Variants in PLAC1 observed in about 807,000 individuals in gnomAD.
The protein encoded by PLAC1 is placenta associated 1, also known as placenta-specific protein 1.
For synonymous variants in PLAC1, 68 were observed against 62.1 expected, an observed-to-expected ratio of 1.09 and a Z score of -0.44; for missense variants, 136 against 163.2, an observed-to-expected ratio of 0.83 and a Z score of 0.91.
intron 1 of PLAC1, among the ~76,000 whole-genome samples, chrX:134,617,258 G>A (rs779603571): frequency 2.7e-5 from 3 of 111,726 alleles, no homozygotes; most frequent in Admixed American, 9.5e-5. Context: ...CAAAGTGCTG[G>A]GATTACAGGC....
chrX:134,704,256 G>A (rs2078593524), intron 2 of PLAC1, among the ~76,000 whole-genome samples: 1 of 109,616 alleles, frequency 9.1e-6, no homozygotes, highest in Non-Finnish European at 1.9e-5. Flanking sequence ...CACTTCAGGA[G>A]GCTGAGGTCG....
At chrX:134,654,774 C>G (rs928459312) in intron 1 of PLAC1, among the ~76,000 whole-genome samples, 1 of 112,326 alleles carries the variant, frequency 8.9e-6, no homozygotes, top group Non-Finnish European at 1.9e-5. Flanking sequence ...AGTGGAAGCT[C>G]GCTTAGCTGA....
intron 2 of PLAC1, among the ~76,000 whole-genome samples, chrX:134,593,935 C>T (rs2078051344): frequency 9.0e-6 from 1 of 111,525 alleles, no homozygotes; most frequent in Non-Finnish European, 1.9e-5. Flanking sequence ...ATGTCCAGCA[C>T]TATGATGAAT....
At position 134,655,332 on chromosome X, in the gene PLAC1, TACACAC is replaced by T. The variant is rs545237127; in HGVS notation, c.-131+2990_-131+2995del. The stretch of plus-strand genomic sequence containing the variant: ...TTCTGTTTCTATCAGTCAATCTATT[TACACAC>T]ACACACACACACACACACACACACA... On this transcript the variant is annotated intron_variant, in intron 1 of 2. Transcript: ENST00000359237. 3.9e-3 allele frequency among the ~76,000 whole-genome samples: 387 copies of T among 99,134 alleles called. 2 individuals are homozygous for T. Among genetic ancestry groups the T allele is most frequent in the African/African-American group, 0.014 (362 of 26,410 alleles). The allele number at this position is 99,134 out of a possible 115,157, so 86.1% of individuals were successfully genotyped here.
At chrX:134,637,675 C>T (rs1233217818) in intron 1 of PLAC1, among the ~76,000 whole-genome samples, 1 of 111,565 alleles carries the variant, frequency 9.0e-6, no homozygotes, top group African/African-American at 3.3e-5. Flanking sequence ...TGGTCTAACC[C>T]TGTTTCTACT....
At chrX:134,582,104 G>T (rs762485624) in intron 2 of PLAC1, among the ~76,000 whole-genome samples, 4 of 112,518 alleles carry the variant, frequency 3.6e-5, no homozygotes, top group South Asian at 3.7e-4. Flanking sequence ...ACAGGGAATG[G>T]GGAGGGAAGT....
chrX:134,603,317 T>TATA (rs1569384392), intron 1 of PLAC1, among the ~76,000 whole-genome samples: 1 of 12,812 alleles, frequency 7.8e-5, no homozygotes, highest in African/African-American at 3.7e-4. Flanking sequence ...ATATATATTT[T>TATA]TTTTTTTTTT....
intron 2 of PLAC1, among the ~76,000 whole-genome samples, chrX:134,713,498 G>C (rs796750548): frequency 9.0e-6 from 1 of 111,606 alleles, no homozygotes; most frequent in African/African-American, 3.3e-5. Flanking sequence ...TTTTGCATTT[G>C]CTTTAAAATG....
chrX:134,578,428 A>G (rs1214072641), intron 2 of PLAC1, among the ~76,000 whole-genome samples: 2 of 22,442 alleles, frequency 8.9e-5, no homozygotes, highest in Non-Finnish European at 2.5e-4. Flanking sequence ...AAAAAAAAAA[A>G]AGAAAAGAAA....
intron 1 of PLAC1, among the ~76,000 whole-genome samples, chrX:134,735,478 G>T (rs2078700488): frequency 9.0e-6 from 1 of 111,098 alleles, no homozygotes; most frequent in African/African-American, 3.3e-5. Context: ...AGAATTAGAG[G>T]GTCGAAATAG....
chrX:134,742,959 C>T (rs1220031673), intron 1 of PLAC1, among the ~76,000 whole-genome samples: 2 of 111,183 alleles, frequency 1.8e-5, no homozygotes, highest in African/African-American at 6.5e-5. Flanking sequence ...AAAACAGAAA[C>T]AGAAAGACAA....
chrX:134,637,472 C>T (rs900403706), intron 1 of PLAC1, among the ~76,000 whole-genome samples: 9 of 112,110 alleles, frequency 8.0e-5, no homozygotes, highest in African/African-American at 2.9e-4. Context: ...GTCACCATAA[C>T]TTGCCCTGTT....
intron 1 of PLAC1, among the ~76,000 whole-genome samples, chrX:134,754,062 C>A (rs1022362152): frequency 8.9e-6 from 1 of 112,057 alleles, no homozygotes; most frequent in Admixed American, 9.5e-5. Context: ...CTCTGCCTGG[C>A]GTAATTATGG....
chrX:134,613,139 G>A (rs1375931903), intron 1 of PLAC1, among the ~76,000 whole-genome samples: 2 of 110,801 alleles, frequency 1.8e-5, no homozygotes, highest in African/African-American at 6.6e-5. Flanking sequence ...GAACAACATA[G>A]TGAGGCCCCA....
chrX:134,583,945 G>C (rs2077987421), intron 2 of PLAC1, among the ~76,000 whole-genome samples: 1 of 109,763 alleles, frequency 9.1e-6, no homozygotes, highest in South Asian at 4.0e-4. Context: ...GTATACTACT[G>C]CCCTGGCTAG....
At chrX:134,671,368 G>A (rs1276408499) in intron 2 of PLAC1, among the ~76,000 whole-genome samples, 1 of 111,822 alleles carries the variant, frequency 8.9e-6, no homozygotes. Context: ...TCTGTTGACA[G>A]TCAGGTCACT....
In PLAC1 at chrX:134,718,935, A is replaced by T. The variant is rs148342869; in HGVS notation, n.174+14500T>A. On this transcript the variant is annotated intron_variant and non_coding_transcript_variant, in intron 2 of 2. Transcript: ENST00000466797. Reference sequence around the variant, plus strand: ...AATAATTGTGTGGGACAGGCTGCTGACTGGCTGCTGACTGATAAAGAATTT... The same window carrying T: ...AATAATTGTGTGGGACAGGCTGCTGTCTGGCTGCTGACTGATAAAGAATTT... Among the ~76,000 whole-genome samples, 535 of 111,919 alleles carry T rather than the reference A, an allele frequency of 4.8e-3. 4 individuals are homozygous for T. Among genetic ancestry groups the T allele is most frequent in the African/African-American group, 0.016 (480 of 30,801 alleles).
intron 2 of PLAC1, among the ~76,000 whole-genome samples, chrX:134,593,491 G>C (rs2078048734): frequency 8.9e-6 from 1 of 112,387 alleles, no homozygotes; most frequent in Non-Finnish European, 1.9e-5. Context: ...GGAAATAATT[G>C]ACACCTTTAT....
chrX:134,685,449 CTTTTTTT>C (rs200498313), intron 2 of PLAC1, among the ~76,000 whole-genome samples: 34 of 49,165 alleles, frequency 6.9e-4, no homozygotes, highest in African/African-American at 1.0e-3. Context: ...AATGGCGTCC[CTTTTTTT>C]TTTTTTTTTT....
Sources: allele counts gnomAD v4.1 joint callset (sites outside exome capture counted in the v4.1 genomes callset), GRCh38; gene constraint gnomAD v4.1.1; transcripts MANE v1.5; gene names NCBI Gene and HGNC (gene_info 2026-07-23, HGNC 2026-07-21).